UNC13C: variants seen among roughly 807,000 people sequenced by gnomAD.
UNC13C encodes the protein protein unc-13 homolog C.
A neutral mutation model predicts 245.4 loss-of-function variants in UNC13C; 174 were observed. The observed-to-expected ratio is 0.71, with a 90% CI of 0.63 to 0.80. The LOEUF is 0.80. Ranked by LOEUF, UNC13C falls within the 30% of genes least tolerant of loss-of-function variation. The pLI is 0.00. For missense variants in UNC13C, 2,829 were observed against 2,602.9 expected (o/e 1.09, Z -1.89); for synonymous variants, 992 against 895.1 (o/e 1.11, Z -1.93).
At chr15:54,346,337 C>G (rs539977735) in intron 17 of UNC13C, among the ~76,000 whole-genome samples, 1 of 152,230 alleles carries the variant, frequency 6.6e-6, no homozygotes, top group Admixed American at 6.5e-5. Context: ...TATTAAAACC[C>G]CTGAGTTCAA....
chr15:54,470,248 A>T lies in UNC13C; in HGVS notation c.4934-24360A>T, dbSNP rs192174336. ...TCTGTCTGGCTTTGGTATCAGTTTAATGCTAGACTATGAAATGTGATTGGA... is the reference window on the plus strand; with the variant it reads ...TCTGTCTGGCTTTGGTATCAGTTTATTGCTAGACTATGAAATGTGATTGGA... On this transcript the variant is annotated intron_variant, in intron 19 of 32. Coordinates refer to ENST00000260323, the MANE Select transcript of UNC13C (RefSeq NM_001080534.3). 3.0e-4 allele frequency among the ~76,000 whole-genome samples: 45 copies of T among 151,618 alleles called. No individual in the cohort carries two copies. The East Asian group carries it at 8.5e-3, about 29-fold the overall frequency.
At chr15:54,524,687 G>T (rs1895369792) in intron 24 of UNC13C, among the ~76,000 whole-genome samples, 1 of 151,818 alleles carries the variant, frequency 6.6e-6, no homozygotes, top group Non-Finnish European at 1.5e-5. Context: ...CTGATATTAG[G>T]TCCTATATTT....
At chr15:54,550,064 G>A (rs1422105333) in intron 28 of UNC13C, among the ~76,000 whole-genome samples, 2 of 152,122 alleles carry the variant, frequency 1.3e-5, no homozygotes, top group African/African-American at 4.8e-5. Flanking sequence ...TTACAAGTGG[G>A]AGATGTTCTG....
the UNC13C span, among the ~76,000 whole-genome samples, chr15:53,905,799 G>C: frequency 0.012 from 1,770 of 152,192 alleles, 32 homozygotes; most frequent in African/African-American, 0.041. Context: ...AACTATGTGA[G>C]GTGATGGATA....
intron 2 of UNC13C, among the ~76,000 whole-genome samples, chr15:54,020,437 G>A (rs1335767483): frequency 3.3e-5 from 4 of 119,946 alleles, no homozygotes; most frequent in Middle Eastern, 4.2e-3. Context: ...ACCACGCCCA[G>A]CTAATTTTTT....
At chr15:54,211,835 T>G (rs1357038474) in intron 4 of UNC13C, among the ~76,000 whole-genome samples, 1 of 152,134 alleles carries the variant, frequency 6.6e-6, no homozygotes, top group East Asian at 1.9e-4. Flanking sequence ...TGAGCAGGAC[T>G]GAGGTCAGGA....
chr15:54,166,874 G>A (rs1404234163), intron 4 of UNC13C, among the ~76,000 whole-genome samples: 1 of 152,152 alleles, frequency 6.6e-6, no homozygotes, highest in Non-Finnish European at 1.5e-5. Context: ...TAGTGGATTA[G>A]AAGTTGCAAT....
chr15:54,321,113 G>T, intron 13 of UNC13C: 2 of 512,324 alleles, frequency 3.9e-6, no homozygotes, highest in Non-Finnish European at 3.9e-6. Context: ...CTTCAACTGG[G>T]TGAGGCACTA....
chr15:54,293,529 A>G (rs1392854508), intron 10 of UNC13C, among the ~76,000 whole-genome samples: 2 of 151,972 alleles, frequency 1.3e-5, no homozygotes, highest in Non-Finnish European at 2.9e-5. Context: ...AATTAGCTTT[A>G]TTTTTATGGT....
chr15:54,359,043 A>G (rs11857197), intron 17 of UNC13C, among the ~76,000 whole-genome samples: 70,976 of 151,620 alleles, frequency 0.47, 16,971 homozygotes, highest in East Asian at 0.73. Flanking sequence ...TAAATTTTAT[A>G]GAATTTTTTT....
At chr15:54,088,206 T>C (rs994612641) in intron 2 of UNC13C, among the ~76,000 whole-genome samples, 1 of 39,252 alleles carries the variant, frequency 2.5e-5, no homozygotes, top group Non-Finnish European at 8.9e-5. Flanking sequence ...TTTTCCTTTT[T>C]TTTTTTTTTT....
intron 4 of UNC13C, among the ~76,000 whole-genome samples, chr15:54,200,884 AG>A (rs2034500984): frequency 1.3e-5 from 2 of 152,202 alleles, no homozygotes; most frequent in East Asian, 1.9e-4. Flanking sequence ...TGAAACAAAA[AG>A]TTTGTTCTTT....
intron 4 of UNC13C, among the ~76,000 whole-genome samples, chr15:54,174,239 T>A (rs2033526862): frequency 1.3e-5 from 2 of 152,202 alleles, no homozygotes; most frequent in African/African-American, 4.8e-5. Context: ...AGGTATTCTT[T>A]CTTCCTCTAT....
chr15:54,508,217 T>A (rs531202856), intron 23 of UNC13C, among the ~76,000 whole-genome samples: 8 of 152,090 alleles, frequency 5.3e-5, no homozygotes, highest in African/African-American at 1.9e-4. Flanking sequence ...AGATAATACA[T>A]GTCTAAAGTG....
In UNC13C at chr15:54,015,538, G is replaced by C. The variant is rs1233681964; in HGVS notation, c.2635G>C (p.Val879Leu). The C allele has an allele frequency of 1.9e-6, 3 of 1,613,486 alleles. No homozygotes were observed. Among genetic ancestry groups the C allele is most frequent in the South Asian group, 2.2e-5 (2 of 91,066 alleles). ...EPVADNETDY[V>L]EVMEQVLAKL... Reference sequence around the variant, plus strand: ...AGTGGCTGACAATGAAACAGATTATGTTGAAGTCATGGAACAAGTCCTTGC... The same window carrying C: ...AGTGGCTGACAATGAAACAGATTATCTTGAAGTCATGGAACAAGTCCTTGC... The change falls in exon 2 of 33, where the codon GTT becomes CTT. Residue 879 changes from valine (V) to leucine (L), a missense_variant. Coordinates refer to ENST00000260323, the MANE Select transcript of UNC13C (RefSeq NM_001080534.3).
the UNC13C span, chr15:53,911,529 C>T: frequency 6.6e-6 from 1 of 152,200 alleles, no homozygotes; most frequent in African/African-American, 2.4e-5. Flanking sequence ...CTGGCAGCGT[C>T]TGAAGGAGCT....
intron 2 of UNC13C, among the ~76,000 whole-genome samples, chr15:54,138,483 G>A (rs561609636): frequency 1.3e-5 from 2 of 151,852 alleles, no homozygotes; most frequent in South Asian, 2.1e-4. Context: ...CAAACATGAG[G>A]TTACTTCCTA....
chr15:54,495,467 G>C (rs1016788137), intron 20 of UNC13C, among the ~76,000 whole-genome samples: 1 of 151,894 alleles, frequency 6.6e-6, no homozygotes, highest in Non-Finnish European at 1.5e-5. Context: ...CCTCTATTTG[G>C]GGAACTCCAC....
chr15:54,418,660 G>A (rs2040571139), intron 19 of UNC13C, among the ~76,000 whole-genome samples: 1 of 152,068 alleles, frequency 6.6e-6, no homozygotes, highest in Non-Finnish European at 1.5e-5. Context: ...AAAACTGGGA[G>A]GGTTGGGGGC....
Sources: allele counts gnomAD v4.1 joint callset (sites outside exome capture counted in the v4.1 genomes callset), GRCh38; gene constraint gnomAD v4.1.1; transcripts MANE v1.5; gene names NCBI Gene and HGNC (gene_info 2026-07-23, HGNC 2026-07-21).